Variants in SPTLC3 observed in about 807,000 individuals in gnomAD.
SPTLC3 encodes the protein serine palmitoyltransferase 3.
Under a neutral mutation model 59.3 loss-of-function variants are expected in SPTLC3, and 36 were observed. The observed-to-expected ratio is 0.61, with a 90% CI of 0.47 to 0.80. The LOEUF is 0.80. SPTLC3 is among the 30% of genes least tolerant of loss of function. SPTLC3 has a pLI of 0.00. For synonymous variants in SPTLC3, 257 were observed against 240.8 expected, an observed-to-expected ratio of 1.07 and a Z score of -0.62; for missense variants, 625 against 685.1, an observed-to-expected ratio of 0.91 and a Z score of 0.98.
intron 2 of SPTLC3, among the ~76,000 whole-genome samples, chr20:13,070,040 A>G (rs1988380132): frequency 6.6e-6 from 1 of 152,218 alleles, no homozygotes; most frequent in Non-Finnish European, 1.5e-5. Context: ...TCTGAAAAAA[A>G]TGTATTGAAT....
At chr20:13,110,650 A>C (rs2122704767) in intron 7 of SPTLC3, among the ~76,000 whole-genome samples, 1 of 152,158 alleles carries the variant, frequency 6.6e-6, no homozygotes, top group East Asian at 1.9e-4. Context: ...TGCTTGCTGA[A>C]CTTTGTTAGT....
intron 2 of SPTLC3, chr20:13,049,848 G>A (rs1056393458): frequency 6.6e-5 from 10 of 151,926 alleles, no homozygotes; most frequent in African/African-American, 2.4e-4. Context: ...CCAGAAGAGA[G>A]ACAACAATCA....
chr20:13,150,937 C>T (rs916873868), intron 9 of SPTLC3, among the ~76,000 whole-genome samples: 2 of 152,164 alleles, frequency 1.3e-5, no homozygotes, highest in Non-Finnish European at 2.9e-5. Context: ...TCCAGTCTCC[C>T]TCTTATGAGC....
chr20:13,089,268 CTG>C (rs1474700447), intron 4 of SPTLC3, among the ~76,000 whole-genome samples: 6 of 152,178 alleles, frequency 3.9e-5, no homozygotes, highest in Non-Finnish European at 5.9e-5. Flanking sequence ...CTCCTACGTT[CTG>C]TGTGTGCAAA....
intron 2 of SPTLC3, among the ~76,000 whole-genome samples, chr20:13,064,412 A>AC (rs201891576): frequency 0.013 from 1,982 of 151,426 alleles, 40 homozygotes; most frequent in African/African-American, 0.044. Flanking sequence ...TCCTGCCTCA[A>AC]CCCCCCGAGT....
At chr20:13,050,139 G>A (rs1320764016) in intron 2 of SPTLC3, 1 of 152,208 alleles carries the variant, frequency 6.6e-6, no homozygotes, top group Non-Finnish European at 1.5e-5. Flanking sequence ...TAATCAGGGA[G>A]AGGCCAGAGA....
chr20:13,127,741 T>C (rs1157927749), intron 9 of SPTLC3, among the ~76,000 whole-genome samples: 1 of 152,214 alleles, frequency 6.6e-6, no homozygotes. Context: ...ACAAGACTTT[T>C]TCTTTTTCAC....
At position 13,167,742 on chromosome 20, in the gene SPTLC3, G is replaced by A. The variant is rs1417738243; in HGVS notation, c.*2875G>A. The stretch of plus-strand genomic sequence containing the variant: ...GACGACAGGCTTTGGAATTTACTAG[G>A]AAGCTGGCTAAAATCCATACCCCTA... On this transcript the variant is annotated 3_prime_UTR_variant, in exon 12 of 12. Coordinates refer to ENST00000399002, the MANE Select transcript of SPTLC3 (RefSeq NM_018327.4). 1 of 152,112 alleles carries A rather than the reference G, an allele frequency of 6.6e-6. No homozygotes were observed. Among genetic ancestry groups the A allele is most frequent in the Non-Finnish European group, 1.5e-5 (1 of 68,008 alleles). 9.4% of individuals were successfully genotyped at this position (152,112 alleles called of 1,614,324 possible). A position where few individuals can be genotyped will look rare whatever the true frequency, so the allele number is the denominator to read the frequency against.
At chr20:13,095,637 C>A in intron 6 of SPTLC3, among the ~76,000 whole-genome samples, 1 of 152,044 alleles carries the variant, frequency 6.6e-6, no homozygotes, top group Non-Finnish European at 1.5e-5. Flanking sequence ...TGGGTTGGGG[C>A]CAAAACACCT....
At chr20:13,065,281 T>TC (rs1323213261) in intron 2 of SPTLC3, among the ~76,000 whole-genome samples, 1 of 146,646 alleles carries the variant, frequency 6.8e-6, no homozygotes, top group Non-Finnish European at 1.5e-5. Context: ...TTTTTTTTTT[T>TC]CTAAAGTGTT....
intron 1 of SPTLC3, among the ~76,000 whole-genome samples, chr20:13,029,743 C>T (rs1986336846): frequency 6.6e-6 from 1 of 152,128 alleles, no homozygotes; most frequent in Admixed American, 6.6e-5. Context: ...CCGTATATTT[C>T]AACTAAGTGT....
At chr20:13,019,825 C>T (rs1985773160) in intron 1 of SPTLC3, among the ~76,000 whole-genome samples, 1 of 152,140 alleles carries the variant, frequency 6.6e-6, no homozygotes, top group South Asian at 2.1e-4. Flanking sequence ...ATGTGCAAGT[C>T]TTAATTATTC....
chr20:13,095,942 A>G (rs553897364), intron 6 of SPTLC3, among the ~76,000 whole-genome samples: 2 of 152,276 alleles, frequency 1.3e-5, no homozygotes, highest in East Asian at 1.9e-4. Flanking sequence ...TATAAAAGTG[A>G]TAAGTAATAT....
At chr20:13,039,796 A>G (rs1221749662) in intron 1 of SPTLC3, among the ~76,000 whole-genome samples, 2 of 151,986 alleles carry the variant, frequency 1.3e-5, no homozygotes, top group Non-Finnish European at 2.9e-5. Context: ...TAGTTGCTCT[A>G]CGGCTTGCCA....
chr20:13,042,824 TTTC>T (rs1329482202), intron 1 of SPTLC3, among the ~76,000 whole-genome samples: 1 of 152,216 alleles, frequency 6.6e-6, no homozygotes, highest in East Asian at 1.9e-4. Context: ...TCAATAAATA[TTTC>T]TTCATTTGTT....
At chr20:13,114,908 A>G (rs973465333) in intron 7 of SPTLC3, among the ~76,000 whole-genome samples, 24 of 152,226 alleles carry the variant, frequency 1.6e-4, no homozygotes, top group African/African-American at 4.6e-4. Context: ...CTTTTCACTT[A>G]GCTAAGACAT....
At chr20:13,014,452 A>G (rs1985417107) in intron 1 of SPTLC3, among the ~76,000 whole-genome samples, 2 of 152,164 alleles carry the variant, frequency 1.3e-5, no homozygotes, top group South Asian at 4.1e-4. Context: ...GAAGGATATA[A>G]AATATCAGAG....
chr20:13,089,804 AC>A (rs67336011), intron 4 of SPTLC3, among the ~76,000 whole-genome samples: 26,686 of 146,750 alleles, frequency 0.18, 2,785 homozygotes, highest in East Asian at 0.27. Context: ...AAAAAAAAAA[AC>A]AAAACAATGT....
At chr20:13,153,571 G>A (rs958689762) in intron 9 of SPTLC3, among the ~76,000 whole-genome samples, 2 of 152,042 alleles carry the variant, frequency 1.3e-5, no homozygotes, top group Admixed American at 6.6e-5. Context: ...ACAATTTAAT[G>A]AGCCAATTCA....
Sources: allele counts gnomAD v4.1 joint callset (sites outside exome capture counted in the v4.1 genomes callset), GRCh38; gene constraint gnomAD v4.1.1; transcripts MANE v1.5; gene names NCBI Gene and HGNC (gene_info 2026-07-23, HGNC 2026-07-21).